PPL: variants seen among roughly 807,000 people sequenced by gnomAD.
PPL encodes the protein periplakin.
Under a neutral mutation model 194.4 loss-of-function variants are expected in PPL, and 198 were observed. The ratio of observed to expected loss-of-function variants is 1.02; its 90% CI spans 0.91 to 1.15. PPL has a LOEUF of 1.15. Among genes scored for constraint, PPL ranks in the 50% most tolerant of loss-of-function variants. PPL has a pLI of 0.00. For missense variants in PPL, 2,885 were observed against 2,294.8 expected (o/e 1.26, Z -5.25); for synonymous variants, 1,220 against 972.4 (o/e 1.25, Z -4.74).
rs966484445 is a variant in PPL, at chr16:4,937,135, G to T, written c.-90C>A. 2.2e-6 allele frequency: 2 copies of T among 911,826 alleles called. No individual in the cohort carries two copies. Among genetic ancestry groups the T allele is most frequent in the Non-Finnish European group, 2.7e-6 (2 of 748,640 alleles). 56.5% of individuals were successfully genotyped at this position (911,826 alleles called of 1,614,324 possible). A position where few individuals can be genotyped will look rare whatever the true frequency, so the allele number is the denominator to read the frequency against. On this transcript the variant is annotated 5_prime_UTR_variant, in exon 1 of 22. Transcript: ENST00000345988. ...AGCGCAGGTGAGCGAGCGGCGGCGCGGGGAGCCCGGACTGCGGCGCGGCAG... is the reference window on the plus strand; with the variant it reads ...AGCGCAGGTGAGCGAGCGGCGGCGCTGGGAGCCCGGACTGCGGCGCGGCAG...
At chr16:4,903,654 A>C (rs2088621905) in intron 3 of PPL, among the ~76,000 whole-genome samples, 1 of 151,884 alleles carries the variant, frequency 6.6e-6, no homozygotes, top group South Asian at 2.1e-4. Context: ...GGGGAGGCAG[A>C]GATTGCGCTG....
At chr16:4,932,758 G>C (rs1157907058) in intron 1 of PPL, among the ~76,000 whole-genome samples, 1 of 151,972 alleles carries the variant, frequency 6.6e-6, no homozygotes, top group East Asian at 1.9e-4. Flanking sequence ...CCTAGTATTG[G>C]CTGCTATGAT....
At chr16:4,924,864 T>C (rs1175015496) in intron 1 of PPL, among the ~76,000 whole-genome samples, 2 of 152,204 alleles carry the variant, frequency 1.3e-5, no homozygotes, top group African/African-American at 4.8e-5. Flanking sequence ...GATCATACTT[T>C]AGCAACATCG....
At chr16:4,919,122 G>A (rs1371169147) in intron 1 of PPL, among the ~76,000 whole-genome samples, 3 of 152,306 alleles carry the variant, frequency 2.0e-5, no homozygotes, top group Middle Eastern at 3.4e-3. Flanking sequence ...GAGGGTACAC[G>A]CCCAGCCCTC....
In PPL at chr16:4,890,247, G is replaced by A. The variant is rs373787474; in HGVS notation, c.2250C>T (p.Pro750=). 9.3e-6 allele frequency: 15 copies of A among 1,614,180 alleles called. No individual in the cohort carries two copies. Among genetic ancestry groups the A allele is most frequent in the Admixed American group, 1.7e-5 (1 of 60,020 alleles). The stretch of plus-strand genomic sequence containing the variant: ...TGTCTGTCTCCTGGGGCTCGTAACT[G>A]GGGATGCTGACTAGGAACTGCAGCA... ...DHVLQFLVSI[P]SYEPQETDSL... The change falls in exon 18 of 22, where the codon CCC becomes CCT. Residue 750 remains proline (P), a synonymous_variant. Transcript: ENST00000345988.
At chr16:4,897,615 T>C in intron 9 of PPL, 60 bp downstream of exon 9, 1 of 1,376,312 alleles carries the variant, frequency 7.3e-7, no homozygotes, top group Middle Eastern at 2.4e-4. Flanking sequence ...AGGTAGGCAC[T>C]GAGCGCTCTC....
chr16:4,897,597 CAT>C, intron 9 of PPL, 76 bp downstream of exon 9: 1 of 1,170,702 alleles, frequency 8.5e-7, no homozygotes, highest in Non-Finnish European at 1.3e-6. Context: ...CGAGGCCACA[CAT>C]GAGCCAGGTA....
At chr16:4,887,968 A>G in intron 20 of PPL, 134 bp downstream of exon 20, 1 of 674,986 alleles carries the variant, frequency 1.5e-6, no homozygotes. Flanking sequence ...ACCTGTTTGC[A>G]TGCAGGAGGG....
At chr16:4,921,964 C>T (rs1430735127) in intron 1 of PPL, among the ~76,000 whole-genome samples, 1 of 151,952 alleles carries the variant, frequency 6.6e-6, no homozygotes, top group Non-Finnish European at 1.5e-5. Flanking sequence ...CCTTGACACA[C>T]CACCGATGCT....
intron 1 of PPL, among the ~76,000 whole-genome samples, chr16:4,920,929 G>A (rs573880001): frequency 1.3e-5 from 2 of 152,266 alleles, no homozygotes; most frequent in Admixed American, 6.5e-5. Context: ...TACAATTCGG[G>A]CCTTGCTGGC....
At chr16:4,904,174 C>G (rs977409335) in intron 2 of PPL, 134 bp from the exon 3 acceptor site, 45 of 932,024 alleles carry the variant, frequency 4.8e-5, no homozygotes, top group Non-Finnish European at 6.5e-5. Flanking sequence ...CCAGGCTTGT[C>G]CATATGGAGC....
At chr16:4,893,739 G>C in intron 12 of PPL, 101 bp from the exon 13 acceptor site, 1 of 933,934 alleles carries the variant, frequency 1.1e-6, no homozygotes, top group Non-Finnish European at 1.6e-6. Context: ...CCCCAGAGGA[G>C]CCTGACAGCT....
chr16:4,884,048 T>G lies in PPL; in HGVS notation c.4607A>C (p.Glu1536Ala), dbSNP rs762040264. 6.2e-7 allele frequency: 1 copy of G among 1,613,562 alleles called. No individual in the cohort carries two copies. Among genetic ancestry groups the G allele is most frequent in the Admixed American group, 1.7e-5 (1 of 60,000 alleles). ...AAGCCTGGCTTCCAGCCGGCTCACC[T>G]CGACGTCCAGCTCGCGCTTGCTGCG... ...ESRSKRELDV[E>A]VSRLEARLSE... Residue 1536 changes from glutamate (E) to alanine (A), a missense_variant, in exon 22 of 22, where the codon GAG becomes GCG. Coordinates refer to ENST00000345988, the MANE Select transcript of PPL (RefSeq NM_002705.5). This position sits in a 1 kb window ranked among gnomAD's most constrained non-coding sequence, Gnocchi z 5.7.
intron 19 of PPL, among the ~76,000 whole-genome samples, 185 bp from the exon 20 acceptor site, chr16:4,888,403 A>C (rs915181779): frequency 6.6e-6 from 1 of 152,212 alleles, no homozygotes; most frequent in Non-Finnish European, 1.5e-5. Context: ...AATTACTGAT[A>C]TCTCAGCAGT....
intron 1 of PPL, among the ~76,000 whole-genome samples, chr16:4,927,689 C>T (rs1459641362): frequency 6.6e-6 from 1 of 152,214 alleles, no homozygotes; most frequent in Non-Finnish European, 1.5e-5. Context: ...AGCTATTAAT[C>T]CTGTGGAAAT....
At chr16:4,904,624 C>A (rs1038469406) in intron 2 of PPL, among the ~76,000 whole-genome samples, 1 of 152,062 alleles carries the variant, frequency 6.6e-6, no homozygotes, top group South Asian at 2.1e-4. Context: ...CAGGAGAGAG[C>A]GAGCTACGAC....
chr16:4,912,906 C>T (rs767941443), intron 1 of PPL, among the ~76,000 whole-genome samples: 13 of 152,170 alleles, frequency 8.5e-5, no homozygotes, highest in East Asian at 1.9e-4. Flanking sequence ...GAGTTTGAGA[C>T]CAGCCTGGCC....
rs1489825588 is a variant in PPL at position 4,895,588 on chromosome 16, G to A, written c.1095+6C>T. On this transcript the variant is annotated splice_donor_region_variant and intron_variant, in intron 10 of 21. Coordinates refer to ENST00000345988, the MANE Select transcript of PPL (RefSeq NM_002705.5). ...GGGCCAGCAGGGGTCCTGGGCCATC[G>A]CTCACATCCAGCTCCCGCAGCAGCA... 2.5e-6 allele frequency: 4 copies of A among 1,613,676 alleles called. No homozygotes were observed. Among genetic ancestry groups the A allele is most frequent in the Non-Finnish European group, 3.4e-6 (4 of 1,180,012 alleles).
chr16:4,912,469 G>A lies in PPL; in HGVS notation c.63-1520C>T, dbSNP rs553834328. On this transcript the variant is annotated intron_variant, in intron 1 of 21. Coordinates refer to ENST00000345988, the MANE Select transcript of PPL (RefSeq NM_002705.5). ...TCAACAGCTGACAACCATCTGGGCC[G>A]TTTCCACCTTTGGGCCATCGTGAGA... 1.9e-4 allele frequency among the ~76,000 whole-genome samples: 29 copies of A among 152,356 alleles called. No individual in the cohort carries two copies. The East Asian group carries it at 3.3e-3, about 17-fold the overall frequency.
Sources: allele counts gnomAD v4.1 joint callset (sites outside exome capture counted in the v4.1 genomes callset), GRCh38; gene constraint gnomAD v4.1.1; non-coding constraint Gnocchi (gnomAD v3.1); transcripts MANE v1.5; gene names NCBI Gene and HGNC (gene_info 2026-07-23, HGNC 2026-07-21).